THAP5: variants seen among roughly 807,000 people sequenced by gnomAD.
The protein encoded by THAP5 is THAP domain-containing protein 5.
A neutral mutation model predicts 34.0 loss-of-function variants in THAP5; 26 were observed. The observed-to-expected ratio is 0.77, with a 90% CI of 0.56 to 1.06. The LOEUF (loss-of-function observed/expected upper bound fraction) is 1.06. Among genes scored for constraint, THAP5 ranks in the 50% least tolerant of loss-of-function variants. The pLI is 0.00. For missense variants in THAP5, 394 were observed against 452.8 expected (o/e 0.87, Z 1.18); for synonymous variants, 125 against 153.0 (o/e 0.82, Z 1.35).
chr7:108,559,742 A>C (rs912563429), downstream of THAP5, among the ~76,000 whole-genome samples: 58 of 150,138 alleles, frequency 3.9e-4, no homozygotes, highest in African/African-American at 1.3e-3. Context: ...GGCACATTTT[A>C]CATGGTGGCA....
At chr7:108,558,381 GTA>G (rs66806128), downstream of THAP5, among the ~76,000 whole-genome samples, 15,202 of 93,780 alleles carry the variant, frequency 0.16, 1,212 homozygotes, top group Middle Eastern at 0.25. Flanking sequence ...GTGTGTGTAT[GTA>G]TATATATATA....
downstream of THAP5, among the ~76,000 whole-genome samples, chr7:108,560,885 C>T (rs113498097): frequency 2.2e-3 from 339 of 152,162 alleles, 1 homozygote; most frequent in African/African-American, 7.4e-3. Flanking sequence ...CTAAAAGCAC[C>T]GACTACCATG....
At chr7:108,567,647 G>A (rs1443541478) in intron 1 of THAP5, among the ~76,000 whole-genome samples, 1 of 152,130 alleles carries the variant, frequency 6.6e-6, no homozygotes. Context: ...AAAGGCATAA[G>A]ATAATCACAG....
At chr7:108,546,882 G>A in the THAP5 span, among the ~76,000 whole-genome samples, 1 of 151,982 alleles carries the variant, frequency 6.6e-6, no homozygotes, top group Non-Finnish European at 1.5e-5. Context: ...TTTCAGTCTC[G>A]CTTGCATTGG....
At chr7:108,558,377 G>GTGTGTATATA (rs1401164750), downstream of THAP5, among the ~76,000 whole-genome samples, 33 of 63,008 alleles carry the variant, frequency 5.2e-4, 1 homozygote, top group African/African-American at 2.5e-3. Context: ...ATGTGTGTGT[G>GTGTGTATATA]TATGTATATA....
chr7:108,549,070 C>A, the THAP5 span, among the ~76,000 whole-genome samples: 1 of 150,224 alleles, frequency 6.7e-6, no homozygotes, highest in Non-Finnish European at 1.5e-5. Flanking sequence ...ACCTATATTT[C>A]TCAAAATAAC....
At position 108,564,308 on chromosome 7, in the gene THAP5, A is replaced by T; in HGVS notation, c.1071T>A (p.Gly357=). Residue 357 remains glycine, a synonymous_variant, in exon 3 of 3, where the codon GGT becomes GGA. Coordinates refer to ENST00000415914, the MANE Select transcript of THAP5 (RefSeq NM_001130475.3). ...TAAGAGCTTCCAAAGACTTCAATCT[A>T]CCTAGAGTTTGTTGCTCTTTTAACT... ...LLELKEQQTL[G]RLKSLEALIR... 1 of 1,613,890 alleles carries T rather than the reference A, an allele frequency of 6.2e-7. No homozygotes were observed. The highest frequency in any genetic ancestry group is 8.5e-7 in the Non-Finnish European group (1 of 1,179,898).
At chr7:108,544,570 A>G in the THAP5 span, among the ~76,000 whole-genome samples, 8 of 152,002 alleles carry the variant, frequency 5.3e-5, no homozygotes, top group Admixed American at 3.3e-4. Context: ...GGTCATTGAT[A>G]TAGAATAGGT....
downstream of THAP5, among the ~76,000 whole-genome samples, chr7:108,559,555 T>C (rs758320299): frequency 1.9e-4 from 29 of 152,234 alleles, no homozygotes; most frequent in Non-Finnish European, 3.5e-4. Flanking sequence ...TTAAGTTTTC[T>C]ACAAAAGAGA....
intron 1 of THAP5, among the ~76,000 whole-genome samples, chr7:108,555,348 A>G (rs1206405100): frequency 1.3e-5 from 2 of 151,994 alleles, no homozygotes; most frequent in African/African-American, 4.8e-5. Flanking sequence ...TTGTATTTTT[A>G]GTAGAGGAGG....
rs1046526732 is a variant in THAP5 at position 108,565,868 on chromosome 7, C to G, written c.235G>C (p.Ala79Pro). Residue 79 changes from alanine (A) to proline (P), a missense_variant, in exon 2 of 3, where the codon GCA becomes CCA. Transcript: ENST00000415914. ...GGCAAAGAAAATATTGTTGGAACTG[C>G]AGTTTGTTTTAAATATCGAATACCC... The part of the protein sequence containing the change: ...RWGIRYLKQT[A>P]VPTIFSLPED... The G allele has an allele frequency of 1.9e-6, 3 of 1,547,578 alleles. No individual in the cohort carries two copies. In the African/African-American group the frequency reaches 4.1e-5, roughly 21 times the overall value.
At chr7:108,545,783 C>G in the THAP5 span, among the ~76,000 whole-genome samples, 3 of 152,006 alleles carry the variant, frequency 2.0e-5, no homozygotes, top group Non-Finnish European at 4.4e-5. Context: ...AAATAGGAGT[C>G]TTAGAGTCAA....
intron 1 of THAP5, 139 bp from the exon 2 acceptor site, chr7:108,566,161 A>G (rs982060731): frequency 9.4e-6 from 6 of 638,978 alleles, no homozygotes; most frequent in Non-Finnish European, 1.6e-5. Flanking sequence ...TCCCTACCAA[A>G]TAAGAGCATC....
Position 108,562,866 on chromosome 7 carries a change from G to T in THAP5, c.*1325C>A, listed in dbSNP as rs186481054. The T allele has an allele frequency of 1.6e-4, 24 of 152,116 alleles. No individual in the cohort carries two copies. The East Asian group carries it at 4.6e-3, about 29-fold the overall frequency. The allele number at this position is 152,116 out of a possible 1,614,324, so 9.4% of individuals were successfully genotyped here. A position where few individuals can be genotyped will look rare whatever the true frequency, so the allele number is the denominator to read the frequency against. On this transcript the variant is annotated 3_prime_UTR_variant, in exon 3 of 3. Transcript: ENST00000415914. ...TAAGAGAAATTCTTTGTCTCCCTAAGATCATGACCACTTATGTATAATTTC... is the reference window on the plus strand; with the variant it reads ...TAAGAGAAATTCTTTGTCTCCCTAATATCATGACCACTTATGTATAATTTC...
At chr7:108,544,220 ATCT>A in the THAP5 span, among the ~76,000 whole-genome samples, 1 of 152,166 alleles carries the variant, frequency 6.6e-6, no homozygotes, top group Non-Finnish European at 1.5e-5. Context: ...ACTGTCAATA[ATCT>A]TCTAAATAAA....
At chr7:108,553,599 C>T (rs983645511), downstream of THAP5, among the ~76,000 whole-genome samples, 2 of 152,034 alleles carry the variant, frequency 1.3e-5, no homozygotes, top group Non-Finnish European at 2.9e-5. Flanking sequence ...TTCCTTTTGC[C>T]CATACCAAAA....
downstream of THAP5, among the ~76,000 whole-genome samples, chr7:108,561,182 T>G (rs1205285748): frequency 6.6e-6 from 1 of 152,218 alleles, no homozygotes; most frequent in African/African-American, 2.4e-5. Context: ...CATTAAAATG[T>G]TGCTTTGGTC....
chr7:108,564,530 G>A lies in THAP5; in HGVS notation c.849C>T (p.Pro283=), dbSNP rs1790439357. 6.2e-7 allele frequency: 1 copy of A among 1,613,660 alleles called. No homozygotes were observed. The change falls in exon 3 of 3, where the codon CCC becomes CCT. Residue 283 remains proline, a synonymous_variant. Coordinates refer to ENST00000415914, the MANE Select transcript of THAP5 (RefSeq NM_001130475.3). The part of the protein sequence containing the change: ...AIFVPAENSK[P]SVNSFISAQK... ...GTGCAGATATAAAAGAATTAACTGAGGGTTTAGAATTTTCAGCAGGTACAA... is the reference window on the plus strand; with the variant it reads ...GTGCAGATATAAAAGAATTAACTGAAGGTTTAGAATTTTCAGCAGGTACAA...
At chr7:108,549,582 C>G (rs141205154), downstream of THAP5, among the ~76,000 whole-genome samples, 519 of 152,214 alleles carry the variant, frequency 3.4e-3, 7 homozygotes, top group Non-Finnish European at 4.7e-3. Flanking sequence ...TTCTATCTTC[C>G]CAATATACAT....
Sources: gnomAD v4.1 joint callset for allele counts (sites outside exome capture counted in the v4.1 genomes callset) on GRCh38, gnomAD v4.1.1 for gene constraint, MANE v1.5 for transcripts, NCBI Gene and HGNC (gene_info 2026-07-23, HGNC 2026-07-21) for gene names.